The following NXPH1 variants were observed in gnomAD, a reference collection of about 807,000 sequenced individuals.
NXPH1 encodes neurexophilin 1, also known as neurexophilin-1.
Under a neutral mutation model 23.7 loss-of-function variants are expected in NXPH1, and 5 were observed. The ratio of observed to expected loss-of-function variants is 0.21; its 90% CI spans 0.11 to 0.44. The LOEUF (loss-of-function observed/expected upper bound fraction) is 0.44, where lower values mean the gene tolerates loss of function less well. Ranked by LOEUF, NXPH1 falls within the 20% of genes least tolerant of loss-of-function variation. NXPH1 has a pLI of 0.99. For synonymous variants in NXPH1, 144 were observed against 122.2 expected (o/e 1.18, Z -1.18); for missense variants, 324 against 321.6 (o/e 1.01, Z -0.06).
chr7:8,613,792 T>C (rs984608551), intron 2 of NXPH1, among the ~76,000 whole-genome samples: 11 of 136,146 alleles, frequency 8.1e-5, no homozygotes, highest in Middle Eastern at 3.5e-3. Flanking sequence ...CTAATAACAT[T>C]GGTAATTTTT....
chr7:8,501,228 A>G (rs772609137), intron 2 of NXPH1, among the ~76,000 whole-genome samples: 12 of 152,076 alleles, frequency 7.9e-5, no homozygotes, highest in African/African-American at 1.7e-4. Context: ...GTTCTCACCA[A>G]TGAATTGAAA....
At chr7:8,560,613 G>C (rs533194306) in intron 2 of NXPH1, among the ~76,000 whole-genome samples, 7 of 151,762 alleles carry the variant, frequency 4.6e-5, no homozygotes, top group African/African-American at 7.2e-5. Flanking sequence ...ATCAAGGAAG[G>C]GGGAGAGTGA....
intron 2 of NXPH1, among the ~76,000 whole-genome samples, chr7:8,641,896 C>T (rs76132502): frequency 0.047 from 7,226 of 152,232 alleles, 383 homozygotes; most frequent in East Asian, 0.17. Flanking sequence ...CCTCTTCACT[C>T]AATGAATGTG....
At chr7:8,511,919 G>C (rs1476131793) in intron 2 of NXPH1, among the ~76,000 whole-genome samples, 1 of 152,124 alleles carries the variant, frequency 6.6e-6, no homozygotes, top group Non-Finnish European at 1.5e-5. Flanking sequence ...GTAGCCACCG[G>C]GAGGTTCTGA....
At position 8,611,141 on chromosome 7, in the gene NXPH1, T is replaced by C. The variant is rs147911233; in HGVS notation, c.55-139867T>C. Among the ~76,000 whole-genome samples the C allele has an allele frequency of 3.1e-3, 466 of 152,302 alleles. 4 individuals carry two copies. The highest frequency in any genetic ancestry group is 0.011 in the African/African-American group (451 of 41,576). ...CACATCATTGTACATATTTATGTGA[T>C]ACAGAGTGATATTTTGATACATGTA... On this transcript the variant is annotated intron_variant, in intron 2 of 2. Transcript: ENST00000405863.
chr7:8,643,671 T>C (rs78730370), intron 2 of NXPH1, among the ~76,000 whole-genome samples: 4,134 of 152,280 alleles, frequency 0.027, 253 homozygotes, highest in East Asian at 0.17. Context: ...TACCTACTTA[T>C]TGTAAGCTTA....
intron 2 of NXPH1, among the ~76,000 whole-genome samples, chr7:8,699,373 CT>C (rs1325673701): frequency 6.6e-6 from 1 of 152,030 alleles, no homozygotes; most frequent in African/African-American, 2.4e-5. Flanking sequence ...GTTTTTATCT[CT>C]GATTTTCCCT....
chr7:8,739,211 A>T (rs868169639), intron 2 of NXPH1, among the ~76,000 whole-genome samples: 3 of 135,508 alleles, frequency 2.2e-5, no homozygotes, highest in Non-Finnish European at 4.6e-5. Flanking sequence ...AAAACCCTGC[A>T]GCTAGCTCTT....
intron 2 of NXPH1, among the ~76,000 whole-genome samples, chr7:8,686,037 T>C (rs1821141580): frequency 6.6e-6 from 1 of 152,106 alleles, no homozygotes; most frequent in Non-Finnish European, 1.5e-5. Context: ...ATTTCACAAA[T>C]ATGTACAGCT....
intron 2 of NXPH1, among the ~76,000 whole-genome samples, chr7:8,604,067 A>G (rs1353505222): frequency 1.3e-5 from 2 of 152,118 alleles, no homozygotes; most frequent in Non-Finnish European, 2.9e-5. Flanking sequence ...CAAATGAGGA[A>G]AAAAATAAAA....
intron 2 of NXPH1, among the ~76,000 whole-genome samples, chr7:8,541,026 G>A (rs1001391808): frequency 3.0e-4 from 46 of 151,646 alleles, no homozygotes; most frequent in African/African-American, 1.1e-3. Flanking sequence ...TACAATGTCT[G>A]GCATTTAATT....
intron 2 of NXPH1, among the ~76,000 whole-genome samples, chr7:8,681,701 T>C (rs548028182): frequency 6.6e-6 from 1 of 152,368 alleles, no homozygotes; most frequent in Admixed American, 6.5e-5. Flanking sequence ...ATCTTAATTA[T>C]TATACTGCAT....
intron 2 of NXPH1, among the ~76,000 whole-genome samples, chr7:8,746,228 T>C (rs1252546312): frequency 8.4e-6 from 1 of 118,926 alleles, no homozygotes; most frequent in African/African-American, 3.5e-5. Context: ...TAAGGAACCT[T>C]CCTGTTTTTT....
chr7:8,454,258 G>T (rs113401615), intron 2 of NXPH1, among the ~76,000 whole-genome samples: 1 of 152,074 alleles, frequency 6.6e-6, no homozygotes, highest in South Asian at 2.1e-4. Context: ...GGAATTTGTC[G>T]AATGGAATTT....
chr7:8,609,449 A>T (rs1369825260), intron 2 of NXPH1, among the ~76,000 whole-genome samples: 1 of 152,192 alleles, frequency 6.6e-6, no homozygotes, highest in East Asian at 1.9e-4. Context: ...GTTGCCTCAA[A>T]TATCAAGAAG....
chr7:8,731,875 C>G (rs553912500), intron 2 of NXPH1, among the ~76,000 whole-genome samples: 1 of 152,250 alleles, frequency 6.6e-6, no homozygotes, highest in Non-Finnish European at 1.5e-5. Context: ...CCACCCAGTT[C>G]GAGCTTCCCG....
Position 8,626,019 on chromosome 7 carries a change from C to A in NXPH1, c.55-124989C>A, listed in dbSNP as rs188435375. ...TCTAATCTGTGATATATGGTAACTA[C>A]TTTTTTGTTTGTTGGTTGAGGACTA... On this transcript the variant is annotated intron_variant, in intron 2 of 2. Coordinates refer to ENST00000405863, the MANE Select transcript of NXPH1 (RefSeq NM_152745.3). Among the ~76,000 whole-genome samples, 103 of 152,080 alleles carry A rather than the reference C, an allele frequency of 6.8e-4. 1 individual carries two copies. Among genetic ancestry groups the A allele is most frequent in the African/African-American group, 2.4e-3 (98 of 41,496 alleles).
intron 2 of NXPH1, among the ~76,000 whole-genome samples, chr7:8,480,138 C>G (rs1479819375): frequency 6.6e-6 from 1 of 151,986 alleles, no homozygotes; most frequent in Non-Finnish European, 1.5e-5. Context: ...TCTTAGGTAG[C>G]TGACATAGGT....
chr7:8,440,910 G>A (rs923097426), intron 2 of NXPH1, among the ~76,000 whole-genome samples: 1 of 152,176 alleles, frequency 6.6e-6, no homozygotes, highest in Non-Finnish European at 1.5e-5. Flanking sequence ...TAATTCGGCT[G>A]CGAGTCAAAA....
Sources: allele counts gnomAD v4.1 joint callset (sites outside exome capture counted in the v4.1 genomes callset), GRCh38; gene constraint gnomAD v4.1.1; transcripts MANE v1.5; gene names NCBI Gene and HGNC (gene_info 2026-07-23, HGNC 2026-07-21).